The following IMMP2L variants were observed in gnomAD, a reference collection of about 807,000 sequenced individuals.
The protein encoded by IMMP2L is inner mitochondrial membrane peptidase subunit 2, also known as mitochondrial inner membrane protease subunit 2.
Under a neutral mutation model 19.3 loss-of-function variants are expected in IMMP2L, and 18 were observed. The ratio of observed to expected loss-of-function variants is 0.93; its 90% CI spans 0.64 to 1.38. The LOEUF (loss-of-function observed/expected upper bound fraction) is 1.38. Among genes scored for constraint, IMMP2L ranks in the 40% most tolerant of loss-of-function variants. IMMP2L has a pLI of 0.00. For synonymous variants in IMMP2L, 76 were observed against 73.0 expected, an observed-to-expected ratio of 1.04 and a Z score of -0.21; for missense variants, 233 against 218.2, an observed-to-expected ratio of 1.07 and a Z score of -0.43.
At chr7:110,812,913 T>C (rs973652647) in intron 5 of IMMP2L, among the ~76,000 whole-genome samples, 4 of 152,046 alleles carry the variant, frequency 2.6e-5, no homozygotes, top group African/African-American at 7.2e-5. Flanking sequence ...GCCAAGTCTG[T>C]TTTTATTAAA....
chr7:111,348,979 A>T (rs1827860438), intron 3 of IMMP2L, among the ~76,000 whole-genome samples: 1 of 152,176 alleles, frequency 6.6e-6, no homozygotes, highest in Non-Finnish European at 1.5e-5. Context: ...CTTCCCAAGT[A>T]GACTGAGTTC....
intron 5 of IMMP2L, among the ~76,000 whole-genome samples, chr7:110,858,850 G>A (rs990066288): frequency 4.0e-5 from 6 of 151,790 alleles, no homozygotes; most frequent in Admixed American, 1.3e-4. Context: ...GAGAACATGC[G>A]GTGTTTGGTT....
At chr7:111,169,617 T>C (rs896956451) in intron 3 of IMMP2L, among the ~76,000 whole-genome samples, 5 of 151,844 alleles carry the variant, frequency 3.3e-5, no homozygotes, top group Non-Finnish European at 7.4e-5. Context: ...TCCCATAGCA[T>C]TTGCCCTGTG....
At chr7:111,549,512 A>G (rs1317481325) in intron 1 of IMMP2L, among the ~76,000 whole-genome samples, 1 of 152,204 alleles carries the variant, frequency 6.6e-6, no homozygotes, top group East Asian at 1.9e-4. Flanking sequence ...AACTTTTAAT[A>G]TAGAAGTTTT....
chr7:110,746,092 C>T (rs562721638), intron 5 of IMMP2L, among the ~76,000 whole-genome samples: 2 of 152,002 alleles, frequency 1.3e-5, no homozygotes, highest in African/African-American at 2.4e-5. Context: ...AAAAAAAAAG[C>T]AGGGGTTGCA....
At chr7:111,323,660 T>C (rs1824995748) in intron 3 of IMMP2L, among the ~76,000 whole-genome samples, 1 of 152,140 alleles carries the variant, frequency 6.6e-6, no homozygotes, top group Non-Finnish European at 1.5e-5. Context: ...CAAAGGACTA[T>C]AAAACATGCT....
At chr7:111,077,602 C>T (rs1242939802) in intron 3 of IMMP2L, among the ~76,000 whole-genome samples, 1 of 152,180 alleles carries the variant, frequency 6.6e-6, no homozygotes, top group African/African-American at 2.4e-5. Flanking sequence ...ATCTGTTGCT[C>T]CCCTTAACTC....
chr7:110,894,933 A>AT (rs1811172687), intron 4 of IMMP2L, among the ~76,000 whole-genome samples: 1 of 152,168 alleles, frequency 6.6e-6, no homozygotes, highest in African/African-American at 2.4e-5. Context: ...TGAAAAAACT[A>AT]TTCTTTCTCC....
At chr7:111,179,912 T>A (rs917935679) in intron 3 of IMMP2L, among the ~76,000 whole-genome samples, 2 of 152,076 alleles carry the variant, frequency 1.3e-5, no homozygotes, top group African/African-American at 4.8e-5. Context: ...AGGAATGAAC[T>A]AACTTTTGCT....
At chr7:111,514,840 T>C (rs938033187) in intron 2 of IMMP2L, among the ~76,000 whole-genome samples, 10 of 151,938 alleles carry the variant, frequency 6.6e-5, no homozygotes, top group Non-Finnish European at 1.0e-4. Flanking sequence ...ATATTCATAC[T>C]ATGAGGATAA....
intron 3 of IMMP2L, among the ~76,000 whole-genome samples, chr7:111,078,625 C>T (rs1795614705): frequency 6.6e-6 from 1 of 152,106 alleles, no homozygotes; most frequent in African/African-American, 2.4e-5. Context: ...GTGGTATATA[C>T]AATATATCCT....
intron 5 of IMMP2L, among the ~76,000 whole-genome samples, chr7:110,763,374 T>C (rs1798466723): frequency 6.6e-6 from 1 of 152,162 alleles, no homozygotes; most frequent in African/African-American, 2.4e-5. Flanking sequence ...CATTCACTTA[T>C]TCAGCATTCA....
intron 5 of IMMP2L, among the ~76,000 whole-genome samples, chr7:110,825,169 G>A (rs370262631): frequency 2.0e-4 from 31 of 152,080 alleles, no homozygotes; most frequent in African/African-American, 6.8e-4. Context: ...AAAAACCACT[G>A]CTTAGCGAAA....
At position 111,388,748 on chromosome 7, in the gene IMMP2L, G is replaced by A. The variant is rs143847130; in HGVS notation, c.239+98490C>T. On this transcript the variant is annotated intron_variant, in intron 3 of 5. Transcript: ENST00000405709. ...TCTCGTGAGACTTATTCACTACCACGAGAATAGCACAGGAAAGACCGGCCC... is the reference window on the plus strand; with the variant it reads ...TCTCGTGAGACTTATTCACTACCACAAGAATAGCACAGGAAAGACCGGCCC... 4.6e-3 allele frequency among the ~76,000 whole-genome samples: 695 copies of A among 152,066 alleles called. 5 individuals are homozygous for A. Among genetic ancestry groups the A allele is most frequent in the Middle Eastern group, 6.8e-3 (2 of 294 alleles).
At chr7:111,088,508 A>G (rs1796548135) in intron 3 of IMMP2L, among the ~76,000 whole-genome samples, 1 of 152,082 alleles carries the variant, frequency 6.6e-6, no homozygotes. Context: ...AAAGAAGGAG[A>G]AGAAGGAAAA....
At chr7:111,137,619 A>C (rs1283626123) in intron 3 of IMMP2L, among the ~76,000 whole-genome samples, 1 of 152,230 alleles carries the variant, frequency 6.6e-6, no homozygotes, top group African/African-American at 2.4e-5. Context: ...TAAAAATATT[A>C]AATTACTACT....
At chr7:111,419,077 C>T (rs892234330) in intron 3 of IMMP2L, among the ~76,000 whole-genome samples, 1 of 151,790 alleles carries the variant, frequency 6.6e-6, no homozygotes, top group Non-Finnish European at 1.5e-5. Context: ...AAATGCCTAG[C>T]TTCACATAAA....
chr7:111,224,142 G>A (rs1490310134), intron 3 of IMMP2L, among the ~76,000 whole-genome samples: 1 of 151,984 alleles, frequency 6.6e-6, no homozygotes, highest in Non-Finnish European at 1.5e-5. Flanking sequence ...TAATGACACT[G>A]CCCTGCAAAT....
chr7:111,373,736 C>T (rs1197507380), intron 3 of IMMP2L, among the ~76,000 whole-genome samples: 2 of 151,878 alleles, frequency 1.3e-5, no homozygotes, highest in Non-Finnish European at 2.9e-5. Flanking sequence ...AGATTATACT[C>T]TACATATTTT....
Sources: gnomAD v4.1 joint callset for allele counts (sites outside exome capture counted in the v4.1 genomes callset) on GRCh38, gnomAD v4.1.1 for gene constraint, MANE v1.5 for transcripts, NCBI Gene and HGNC (gene_info 2026-07-23, HGNC 2026-07-21) for gene names.